The following TRMT44 variants were observed in gnomAD, a reference collection of about 807,000 sequenced individuals.
The protein encoded by TRMT44 is probable tRNA (uracil-O(2)-)-methyltransferase.
A neutral mutation model predicts 77.3 loss-of-function variants in TRMT44; 78 were observed. The observed-to-expected ratio is 1.01, with a 90% CI of 0.84 to 1.22. The LOEUF is 1.22. Ranked by LOEUF, TRMT44 falls within the 50% of genes most tolerant of loss-of-function variation. The pLI, the probability that TRMT44 is intolerant of heterozygous loss-of-function variation, is 0.00. For synonymous variants in TRMT44, 391 were observed against 383.3 expected (o/e 1.02, Z -0.23); for missense variants, 1,090 against 964.4 (o/e 1.13, Z -1.73).
At chr4:8,462,334 C>T (rs1163259418) in intron 6 of TRMT44, among the ~76,000 whole-genome samples, 2 of 152,040 alleles carry the variant, frequency 1.3e-5, no homozygotes, top group African/African-American at 4.8e-5. Context: ...TCTCTTGAAC[C>T]AGGGAGGCTG....
At chr4:8,457,704 T>A (rs1725890058) in intron 6 of TRMT44, among the ~76,000 whole-genome samples, 1 of 152,136 alleles carries the variant, frequency 6.6e-6, no homozygotes, top group Non-Finnish European at 1.5e-5. Context: ...TGAAACAAAT[T>A]CCCGCCAGAG....
In TRMT44 at chr4:8,446,575, A is replaced by G; in HGVS notation, c.719A>G (p.His240Arg). 4 of 1,534,988 alleles carry G rather than the reference A, an allele frequency of 2.6e-6. No homozygotes were observed. The highest frequency in any genetic ancestry group is 3.5e-6 in the Non-Finnish European group (4 of 1,145,752). Reference sequence around the variant, plus strand: ...AATGTGTATCAAATTCAGCTCAGTCATAGCAAAGAAGAATGGTAAGAGCTG... The same window carrying G: ...AATGTGTATCAAATTCAGCTCAGTCGTAGCAAAGAAGAATGGTAAGAGCTG... The part of the protein sequence containing the change: ...MSNVYQIQLS[H>R]SKEEWFISVL... Residue 240 changes from histidine (H) to arginine (R), a missense_variant, in exon 2 of 11, where the codon CAT (histidine) becomes CGT (arginine). Physicochemically the swap from His to Arg is conservative, Grantham distance 29. Transcript: ENST00000389737. This position sits in a 1 kb window ranked among gnomAD's most constrained non-coding sequence, Gnocchi z 4.3.
At chr4:8,445,524 G>C (rs889706465) in intron 1 of TRMT44, among the ~76,000 whole-genome samples, 2 of 152,228 alleles carry the variant, frequency 1.3e-5, no homozygotes, top group Non-Finnish European at 2.9e-5. Flanking sequence ...TAGGGCCTTT[G>C]CAATTGCTGC....
downstream of TRMT44, among the ~76,000 whole-genome samples, chr4:8,480,152 C>T (rs1026431492): frequency 6.6e-6 from 1 of 152,092 alleles, no homozygotes; most frequent in East Asian, 1.9e-4. Context: ...TCAACTCTTG[C>T]CTCCTTGGAA....
chr4:8,468,288 A>G lies in TRMT44; in HGVS notation c.1869A>G (p.Gly623=), dbSNP rs762034125. ...AAGTAGCGAATTTACTGTTAGGTGG[A>G]AAGCAATTAAACACAAGAAGTTCTC... ...VLQVANLLLG[G]KQLNTRSSRN... The change falls in exon 9 of 11, where the codon GGA becomes GGG. Residue 623 remains glycine, a synonymous_variant. Coordinates refer to ENST00000389737, the MANE Select transcript of TRMT44 (RefSeq NM_152544.3). The G allele has an allele frequency of 6.2e-7, 1 of 1,614,216 alleles. No individual in the cohort carries two copies. Among genetic ancestry groups the G allele is most frequent in the East Asian group, 2.2e-5 (1 of 44,884 alleles).
At chr4:8,448,411 C>T (rs1173689917) in intron 2 of TRMT44, among the ~76,000 whole-genome samples, 1 of 152,164 alleles carries the variant, frequency 6.6e-6, no homozygotes, top group Admixed American at 6.5e-5. Flanking sequence ...ACTGTGTCCC[C>T]TCAATAGAAA....
rs1252775878 is a variant in TRMT44, at chr4:8,467,971, G to A, written c.1552G>A (p.Glu518Lys). The A allele has an allele frequency of 6.2e-7, 1 of 1,613,956 alleles. No individual in the cohort carries two copies. The highest frequency in any genetic ancestry group is 1.3e-5 in the African/African-American group (1 of 74,942). The change falls in exon 9 of 11, where the codon GAA becomes AAA. Residue 518 changes from glutamate (E) to lysine (K), a missense_variant. By Grantham distance (56) the Glu-to-Lys change is moderately conservative. Coordinates refer to ENST00000389737, the MANE Select transcript of TRMT44 (RefSeq NM_152544.3). ...YPSSREASVD[E>K]KRTQYIKSRR... is the part of the protein sequence containing the mutation. ...TTCCTCCAGAGAAGCTTCCGTGGAT[G>A]AAAAGAGGACTCAGTACATTAAGAG...
At chr4:8,502,526 C>T in the TRMT44 span, among the ~76,000 whole-genome samples, 9 of 152,336 alleles carry the variant, frequency 5.9e-5, no homozygotes, top group Middle Eastern at 3.4e-3. Context: ...CCAGCCAGGG[C>T]GTTGGTCTCA....
downstream of TRMT44, among the ~76,000 whole-genome samples, chr4:8,480,481 C>G (rs1336760554): frequency 6.6e-6 from 1 of 152,206 alleles, no homozygotes; most frequent in Non-Finnish European, 1.5e-5. Flanking sequence ...GTATGTTTGC[C>G]TGAGGCTGCT....
rs1358187936 is a variant in TRMT44, at chr4:8,440,996, C to T, written c.174C>T (p.Gly58=). The T allele has an allele frequency of 5.3e-6, 8 of 1,519,946 alleles. No individual in the cohort carries two copies. Among genetic ancestry groups the T allele is most frequent in the African/African-American group, 4.2e-5 (3 of 72,030 alleles). 94.2% of individuals were successfully genotyped at this position (1,519,946 alleles called of 1,614,324 possible). The change falls in exon 1 of 11, where the codon GGC becomes GGT. Residue 58 remains glycine, a synonymous_variant. Transcript: ENST00000389737. The part of the protein sequence containing the change: ...SAALPCAEAR[G]PGTSAGSEQK... Reference sequence around the variant, plus strand: ...CCCTGCCCTGCGCGGAGGCCCGCGGCCCCGGGACTAGCGCAGGCTCGGAGC... The same window carrying T: ...CCCTGCCCTGCGCGGAGGCCCGCGGTCCCGGGACTAGCGCAGGCTCGGAGC...
At chr4:8,497,411 C>T (rs762988802), downstream of TRMT44, among the ~76,000 whole-genome samples, 4 of 152,054 alleles carry the variant, frequency 2.6e-5, no homozygotes, top group Non-Finnish European at 4.4e-5. Flanking sequence ...TTTGGGAGGC[C>T]GAGGCGGGTG....
In TRMT44 at chr4:8,440,912, G is replaced by T. The variant is rs1413197296; in HGVS notation, c.90G>T (p.Arg30Ser). The T allele has an allele frequency of 1.3e-6, 2 of 1,530,534 alleles. No homozygotes were observed. Among genetic ancestry groups the T allele is most frequent in the East Asian group, 2.5e-5 (1 of 40,584 alleles). 94.8% of individuals were successfully genotyped at this position (1,530,534 alleles called of 1,614,324 possible). A position where few individuals can be genotyped will look rare whatever the true frequency, so the allele number is the denominator to read the frequency against. The change falls in exon 1 of 11, where the codon AGG becomes AGT. Residue 30 changes from arginine to serine, a missense_variant. Transcript: ENST00000389737. ...FWAAVEVWLE[R>S]PQVANKRLCG... is the part of the protein sequence containing the mutation. ...CTGCGGTCGAAGTGTGGCTGGAGAG[G>T]CCGCAGGTGGCAAACAAACGGCTTT...
At chr4:8,467,771 C>A (rs1238631859) in intron 8 of TRMT44, 143 bp from the exon 9 acceptor site, 9 of 920,690 alleles carry the variant, frequency 9.8e-6, no homozygotes, top group Non-Finnish European at 1.3e-5. Context: ...CCGTACCTGG[C>A]TGGTGTCAGT....
chr4:8,467,925 T>C lies in TRMT44; in HGVS notation c.1506T>C (p.Val502=), dbSNP rs1378415211. Residue 502 remains valine (V), a synonymous_variant, in exon 9 of 11, where the codon GTT becomes GTC. Coordinates refer to ENST00000389737, the MANE Select transcript of TRMT44 (RefSeq NM_152544.3). ...TTCTTCAAACGCAGGTCTGTCTCGT[T>C]GGAAAATCCAGAACATACCCTTCCT... is the stretch of plus-strand genomic sequence containing the variant. ...RIPSTKRVCL[V]GKSRTYPSSR... is the part of the protein sequence containing the mutation. The C allele has an allele frequency of 6.2e-7, 1 of 1,601,806 alleles. No individual in the cohort carries two copies. The highest frequency in any genetic ancestry group is 1.7e-5 in the Admixed American group (1 of 58,878).
downstream of TRMT44, among the ~76,000 whole-genome samples, chr4:8,496,417 G>A (rs867717227): frequency 2.0e-5 from 3 of 152,194 alleles, no homozygotes; most frequent in Admixed American, 6.5e-5. Flanking sequence ...GTTAGATGGT[G>A]GTGGAACACC....
At chr4:8,465,274 C>A in intron 7 of TRMT44, 104 bp from the exon 8 acceptor site, 1 of 1,036,138 alleles carries the variant, frequency 9.7e-7, no homozygotes, top group Admixed American at 2.3e-5. Context: ...ACATCACTTC[C>A]CTATTTTGCC....
chr4:8,513,738 A>G, the TRMT44 span, among the ~76,000 whole-genome samples: 1 of 152,228 alleles, frequency 6.6e-6, no homozygotes, highest in South Asian at 2.1e-4. Context: ...AAAAAGACAC[A>G]TCACAAAAGA....
intron 6 of TRMT44, among the ~76,000 whole-genome samples, chr4:8,457,022 C>T (rs935399192): frequency 3.5e-5 from 4 of 115,230 alleles, no homozygotes; most frequent in Non-Finnish European, 6.9e-5. Flanking sequence ...CACCCGCCCC[C>T]CCCCCCCAAC....
chr4:8,507,732 G>A, the TRMT44 span, among the ~76,000 whole-genome samples: 3 of 152,322 alleles, frequency 2.0e-5, no homozygotes, highest in Middle Eastern at 3.4e-3. Flanking sequence ...TGTACAGACA[G>A]GAGTCCAGGA....
Sources: allele counts gnomAD v4.1 joint callset (sites outside exome capture counted in the v4.1 genomes callset), GRCh38; gene constraint gnomAD v4.1.1; non-coding constraint Gnocchi (gnomAD v3.1); transcripts MANE v1.5; gene names NCBI Gene and HGNC (gene_info 2026-07-23, HGNC 2026-07-21).